TMEFF2: variants seen among roughly 807,000 people sequenced by gnomAD.
TMEFF2 encodes the protein tomoregulin-2.
In TMEFF2, 28 loss-of-function variants were observed where a neutral mutation model predicts 53.8. The ratio of observed to expected loss-of-function variants is 0.52; its 90% confidence interval spans 0.39 to 0.71. The LOEUF (loss-of-function observed/expected upper bound fraction) is 0.71. Ranked by LOEUF, TMEFF2 falls within the 30% of genes least tolerant of loss-of-function variation. The pLI is 0.00. For synonymous variants in TMEFF2, 162 were observed against 166.3 expected, an observed-to-expected ratio of 0.97 and a Z score of 0.20; for missense variants, 353 against 455.2, an observed-to-expected ratio of 0.78 and a Z score of 2.04.
intron 7 of TMEFF2, among the ~76,000 whole-genome samples, chr2:191,993,595 G>C (rs1212640215): frequency 6.6e-6 from 1 of 151,876 alleles, no homozygotes; most frequent in Non-Finnish European, 1.5e-5. Flanking sequence ...TCCTGTTCCT[G>C]TTCAACCTAT....
At chr2:192,000,470 T>TTTA (rs1200931952) in intron 5 of TMEFF2, among the ~76,000 whole-genome samples, 1 of 152,210 alleles carries the variant, frequency 6.6e-6, no homozygotes, top group African/African-American at 2.4e-5. Context: ...CTCTCTCTAA[T>TTTA]ACCACAGACT....
At chr2:192,161,280 C>T (rs1050237875) in intron 4 of TMEFF2, among the ~76,000 whole-genome samples, 1 of 151,880 alleles carries the variant, frequency 6.6e-6, no homozygotes, top group Non-Finnish European at 1.5e-5. Context: ...GCGATTCTCC[C>T]TAGTAGCTGG....
At chr2:192,098,935 T>A (rs1413452796) in intron 4 of TMEFF2, among the ~76,000 whole-genome samples, 4 of 152,204 alleles carry the variant, frequency 2.6e-5, no homozygotes, top group Non-Finnish European at 5.9e-5. Flanking sequence ...AAACCAGGCA[T>A]GAAACTTAAT....
chr2:192,122,924 A>C (rs1418432047), intron 4 of TMEFF2, among the ~76,000 whole-genome samples: 1 of 152,158 alleles, frequency 6.6e-6, no homozygotes, highest in Non-Finnish European at 1.5e-5. Context: ...ATTAGGAAGC[A>C]TATATTAAGA....
At chr2:192,192,228 C>A (rs1239326663) in intron 1 of TMEFF2, among the ~76,000 whole-genome samples, 1 of 151,964 alleles carries the variant, frequency 6.6e-6, no homozygotes, top group Non-Finnish European at 1.5e-5. Flanking sequence ...TCTGATAGTG[C>A]TATTTTTTAA....
intron 4 of TMEFF2, among the ~76,000 whole-genome samples, chr2:192,106,180 A>C (rs899865234): frequency 4.0e-5 from 6 of 151,824 alleles, no homozygotes; most frequent in African/African-American, 1.4e-4. Context: ...AATGCTAGGC[A>C]TTCATTAAAA....
chr2:192,019,104 T>A (rs1574295157), intron 5 of TMEFF2, among the ~76,000 whole-genome samples: 1 of 152,098 alleles, frequency 6.6e-6, no homozygotes, highest in East Asian at 1.9e-4. Context: ...AATAAATAGT[T>A]GCTATTTTTC....
chr2:192,094,920 A>T (rs1688868953), intron 4 of TMEFF2, among the ~76,000 whole-genome samples: 1 of 152,242 alleles, frequency 6.6e-6, no homozygotes, highest in African/African-American at 2.4e-5. Context: ...TTGTGTTGAC[A>T]TCAGTTGGCA....
At chr2:192,134,597 C>T (rs1214285460) in intron 4 of TMEFF2, among the ~76,000 whole-genome samples, 2 of 152,172 alleles carry the variant, frequency 1.3e-5, no homozygotes, top group African/African-American at 2.4e-5. Context: ...AGGCCCCCTC[C>T]CTTCCCTACA....
chr2:192,028,213 A>G (rs1574302241), intron 5 of TMEFF2, among the ~76,000 whole-genome samples: 1 of 152,128 alleles, frequency 6.6e-6, no homozygotes, highest in Non-Finnish European at 1.5e-5. Context: ...GCCTTCTGCC[A>G]TGATTGTGAG....
chr2:192,067,685 A>C (rs1330145779), intron 4 of TMEFF2, among the ~76,000 whole-genome samples: 3 of 151,830 alleles, frequency 2.0e-5, no homozygotes, highest in Non-Finnish European at 4.4e-5. Flanking sequence ...TGATAACTTA[A>C]AGGTATTTTG....
rs79333677 is a variant in TMEFF2 at position 192,046,441 on chromosome 2, C to T, written c.536+11238G>A. ...AGGTAGGTGACACTGCTTTCTAGGA[C>T]TGGTGCAAGGTTCTCCAGAAGGCTG... On this transcript the variant is annotated intron_variant, in intron 5 of 9. Coordinates refer to ENST00000272771, the MANE Select transcript of TMEFF2 (RefSeq NM_016192.4). Among the ~76,000 whole-genome samples the T allele has an allele frequency of 4.1e-3, 617 of 152,192 alleles. 3 individuals carry two copies. The highest frequency in any genetic ancestry group is 0.014 in the African/African-American group (588 of 41,538).
intron 3 of TMEFF2, among the ~76,000 whole-genome samples, chr2:192,181,627 C>A (rs181659194): frequency 6.6e-6 from 1 of 151,826 alleles, no homozygotes; most frequent in East Asian, 1.9e-4. Flanking sequence ...AATGCTTAAG[C>A]ACTGTCAGGA....
intron 5 of TMEFF2, among the ~76,000 whole-genome samples, chr2:192,004,676 T>C (rs1157406245): frequency 6.6e-6 from 1 of 152,160 alleles, no homozygotes; most frequent in Admixed American, 6.5e-5. Flanking sequence ...AGGTAGCAAT[T>C]ATCATATAAT....
intron 4 of TMEFF2, among the ~76,000 whole-genome samples, chr2:192,138,494 C>G (rs1412167992): frequency 6.6e-6 from 1 of 152,164 alleles, no homozygotes; most frequent in Admixed American, 6.5e-5. Context: ...CCCATAGGTC[C>G]GGTCTGAGGC....
At position 192,003,926 on chromosome 2, in the gene TMEFF2, T is replaced by TGG. The variant is rs767041385; in HGVS notation, c.537-4719_537-4718insCC. On this transcript the variant is annotated intron_variant, in intron 5 of 9. Transcript: ENST00000272771. ...ATGAGTGAAAAAATTTGTGTGTGTG[T>TGG]GTGGGGGGGGGGCTCACACTCACCT... 6.1e-3 allele frequency among the ~76,000 whole-genome samples: 588 copies of TGG among 96,256 alleles called. 12 individuals carry two copies. Among genetic ancestry groups the TGG allele is most frequent in the Middle Eastern group, 0.014 (3 of 220 alleles). 63.1% of individuals were successfully genotyped at this position (96,256 alleles called of 152,430 possible).
chr2:192,099,661 G>A (rs1688988978), intron 4 of TMEFF2, among the ~76,000 whole-genome samples: 1 of 152,034 alleles, frequency 6.6e-6, no homozygotes, highest in South Asian at 2.1e-4. Flanking sequence ...CAGTTTTTTG[G>A]TATTGATTTT....
chr2:192,030,719 C>G (rs1319816571), intron 5 of TMEFF2: 1 of 151,936 alleles, frequency 6.6e-6, no homozygotes, highest in Non-Finnish European at 1.5e-5. Flanking sequence ...TACTATGGGT[C>G]TGAACTACAC....
intron 3 of TMEFF2, among the ~76,000 whole-genome samples, chr2:192,182,956 T>C (rs1304894402): frequency 6.6e-6 from 1 of 151,978 alleles, no homozygotes; most frequent in African/African-American, 2.4e-5. Context: ...CCTCCTCCTT[T>C]CCTATTGGAG....
Sources: allele counts gnomAD v4.1 joint callset (sites outside exome capture counted in the v4.1 genomes callset), GRCh38; gene constraint gnomAD v4.1.1; transcripts MANE v1.5; gene names NCBI Gene and HGNC (gene_info 2026-07-23, HGNC 2026-07-21).